Variants in ROBO1 observed in about 807,000 individuals in gnomAD.
ROBO1 encodes the protein roundabout homolog 1.
Under a neutral mutation model 195.9 loss-of-function variants are expected in ROBO1, and 149 were observed. The ratio of observed to expected loss-of-function variants is 0.76; its 90% CI spans 0.67 to 0.87. The LOEUF (loss-of-function observed/expected upper bound fraction) is 0.87, where lower values mean the gene tolerates loss of function less well. Ranked by LOEUF, ROBO1 falls within the 40% of genes least tolerant of loss-of-function variation. ROBO1 has a pLI of 0.00. For missense variants in ROBO1, 1,933 were observed against 2,068.3 expected, an observed-to-expected ratio of 0.93 and a Z score of 1.27; for synonymous variants, 816 against 733.2, an observed-to-expected ratio of 1.11 and a Z score of -1.82.
At chr3:79,237,412 C>T (rs1299132772) in intron 2 of ROBO1, among the ~76,000 whole-genome samples, 1 of 151,262 alleles carries the variant, frequency 6.6e-6, no homozygotes, top group African/African-American at 2.4e-5. Context: ...ACCCAGGAGG[C>T]GGAGCTTGCA....
chr3:78,632,431 C>T (rs527631653), intron 24 of ROBO1, among the ~76,000 whole-genome samples: 4 of 152,288 alleles, frequency 2.6e-5, no homozygotes, highest in East Asian at 1.9e-4. Context: ...TCACTTCTCT[C>T]GTCCACCACT....
chr3:79,299,087 C>G (rs2032748523), intron 2 of ROBO1, among the ~76,000 whole-genome samples: 2 of 152,068 alleles, frequency 1.3e-5, no homozygotes, highest in Admixed American at 1.3e-4. Flanking sequence ...CACAATTGAA[C>G]CTTCTATTTC....
chr3:79,423,888 C>CT (rs1054921713), intron 2 of ROBO1, among the ~76,000 whole-genome samples: 3 of 151,876 alleles, frequency 2.0e-5, no homozygotes, highest in Admixed American at 6.6e-5. Context: ...GAAGCACATA[C>CT]TTTTTTTTCA....
rs1354413905 is a variant in ROBO1 at position 79,013,687 on chromosome 3, C to G, written c.173-74760G>C. Among the ~76,000 whole-genome samples, 3 of 152,276 alleles carry G rather than the reference C, an allele frequency of 2.0e-5. No homozygotes were observed. In the East Asian group the frequency reaches 5.8e-4, roughly 29 times the overall value. Reference sequence around the variant, plus strand: ...TCAAATCCCTGCTGAACCACATTCCCTAACTTCTCTATGATATAGTTTCTA... The same window carrying G: ...TCAAATCCCTGCTGAACCACATTCCGTAACTTCTCTATGATATAGTTTCTA... On this transcript the variant is annotated intron_variant, in intron 3 of 30. Transcript: ENST00000464233.
chr3:79,720,667 G>A (rs1194519278), intron 1 of ROBO1, among the ~76,000 whole-genome samples: 1 of 152,070 alleles, frequency 6.6e-6, no homozygotes, highest in Non-Finnish European at 1.5e-5. Flanking sequence ...GTATGCTCAA[G>A]ATTTCTGTTA....
At chr3:78,674,280 G>T (rs1473305920) in intron 10 of ROBO1, among the ~76,000 whole-genome samples, 1 of 152,148 alleles carries the variant, frequency 6.6e-6, no homozygotes, top group Non-Finnish European at 1.5e-5. Flanking sequence ...TGCTACTTCT[G>T]TGCTTCATGT....
intron 29 of ROBO1, among the ~76,000 whole-genome samples, chr3:78,604,536 ATAAG>A (rs2107266193): frequency 6.6e-6 from 1 of 152,320 alleles, no homozygotes; most frequent in East Asian, 1.9e-4. Context: ...ACTGAGAAAA[ATAAG>A]TAAGTTTTTC....
At chr3:79,575,091 T>A (rs1943407588) in intron 2 of ROBO1, among the ~76,000 whole-genome samples, 1 of 135,944 alleles carries the variant, frequency 7.4e-6, no homozygotes, top group South Asian at 2.3e-4. Context: ...AACAAGGAAA[T>A]GAAAACAAAT....
chr3:79,374,932 T>C (rs557083227), intron 2 of ROBO1, among the ~76,000 whole-genome samples: 1 of 152,226 alleles, frequency 6.6e-6, no homozygotes, highest in Non-Finnish European at 1.5e-5. Context: ...TCTTACTGAA[T>C]GTACTTAAGT....
chr3:79,709,174 T>C (rs1702177961), intron 1 of ROBO1, among the ~76,000 whole-genome samples: 1 of 152,176 alleles, frequency 6.6e-6, no homozygotes, highest in African/African-American at 2.4e-5. Context: ...TCATGACTGA[T>C]ATTTAAGAAC....
At chr3:79,217,340 A>G (rs2082072356) in intron 2 of ROBO1, among the ~76,000 whole-genome samples, 1 of 152,042 alleles carries the variant, frequency 6.6e-6, no homozygotes, top group South Asian at 2.1e-4. Flanking sequence ...GGTTTCAGAT[A>G]TGCCTTTATT....
intron 3 of ROBO1, among the ~76,000 whole-genome samples, chr3:79,013,983 C>T (rs1201407207): frequency 1.3e-5 from 2 of 151,968 alleles, no homozygotes; most frequent in Non-Finnish European, 2.9e-5. Context: ...TATCAGTCTT[C>T]TATATACATT....
chr3:79,109,752 A>G (rs113755222), intron 3 of ROBO1, among the ~76,000 whole-genome samples: 7 of 152,234 alleles, frequency 4.6e-5, no homozygotes, highest in African/African-American at 1.7e-4. Flanking sequence ...TCAATCTTTA[A>G]AATTGATTTT....
chr3:78,988,490 AC>A (rs1284523558), intron 3 of ROBO1, among the ~76,000 whole-genome samples: 2 of 152,290 alleles, frequency 1.3e-5, no homozygotes, highest in African/African-American at 4.8e-5. Flanking sequence ...ACACTACATT[AC>A]TTTTATCTCC....
At chr3:79,513,203 C>T (rs1940793242) in intron 2 of ROBO1, among the ~76,000 whole-genome samples, 1 of 151,992 alleles carries the variant, frequency 6.6e-6, no homozygotes, top group African/African-American at 2.4e-5. Flanking sequence ...ATCTGTGGAA[C>T]TTTCAGTCTC....
At chr3:79,082,290 T>C (rs1181341735) in intron 3 of ROBO1, among the ~76,000 whole-genome samples, 1 of 152,168 alleles carries the variant, frequency 6.6e-6, no homozygotes, top group Non-Finnish European at 1.5e-5. Context: ...ACTGGAAATT[T>C]GCCATCCAGA....
At chr3:78,875,980 C>T (rs998167080) in intron 4 of ROBO1, among the ~76,000 whole-genome samples, 1 of 152,002 alleles carries the variant, frequency 6.6e-6, no homozygotes, top group Non-Finnish European at 1.5e-5. Flanking sequence ...TCAGGGCTTA[C>T]TTAATGAAGA....
intron 2 of ROBO1, among the ~76,000 whole-genome samples, chr3:79,459,669 A>T (rs2039735783): frequency 6.6e-6 from 1 of 152,116 alleles, no homozygotes; most frequent in African/African-American, 2.4e-5. Context: ...CAGACAATGG[A>T]AAACTGTACA....
At chr3:78,916,557 G>GAA (rs969858186) in intron 4 of ROBO1, among the ~76,000 whole-genome samples, 4,381 of 74,134 alleles carry the variant, frequency 0.059, 109 homozygotes, top group African/African-American at 0.11. Flanking sequence ...GTCTCAAAAA[G>GAA]AAAAAAAAAA....
Sources: allele counts gnomAD v4.1 joint callset (sites outside exome capture counted in the v4.1 genomes callset), GRCh38; gene constraint gnomAD v4.1.1; transcripts MANE v1.5; gene names NCBI Gene and HGNC (gene_info 2026-07-23, HGNC 2026-07-21).